NXPH1: variants seen among roughly 807,000 people sequenced by gnomAD.
NXPH1 encodes the protein neurexophilin-1.
A neutral mutation model predicts 23.7 loss-of-function variants in NXPH1; 5 were observed. The observed-to-expected ratio is 0.21, with a 90% CI of 0.11 to 0.44. The LOEUF is 0.44. Among genes scored for constraint, NXPH1 ranks in the 20% least tolerant of loss-of-function variants. The pLI is 0.99. For missense variants in NXPH1, 324 were observed against 321.6 expected (o/e 1.01, Z -0.06); for synonymous variants, 144 against 122.2 (o/e 1.18, Z -1.18).
chr7:8,676,021 T>G (rs975653113), intron 2 of NXPH1, among the ~76,000 whole-genome samples: 11 of 152,152 alleles, frequency 7.2e-5, no homozygotes, highest in Non-Finnish European at 1.2e-4. Context: ...GCTTTAGATT[T>G]GCAAGCAGAG....
intron 2 of NXPH1, among the ~76,000 whole-genome samples, chr7:8,522,570 A>C (rs1305785600): frequency 6.6e-6 from 1 of 152,172 alleles, no homozygotes; most frequent in Non-Finnish European, 1.5e-5. Context: ...TTTTTAAAGC[A>C]CAGGAGATGC....
At chr7:8,641,798 A>T (rs74621503) in intron 2 of NXPH1, among the ~76,000 whole-genome samples, 7,808 of 152,176 alleles carry the variant, frequency 0.051, 391 homozygotes, top group East Asian at 0.17. Flanking sequence ...TTTAGTTTTC[A>T]TTCTTATACA....
chr7:8,448,601 G>A lies in NXPH1; in HGVS notation c.54+12834G>A, dbSNP rs531759479. Among the ~76,000 whole-genome samples the A allele has an allele frequency of 7.2e-5, 11 of 152,264 alleles. No individual in the cohort carries two copies. In the South Asian group the frequency reaches 1.0e-3, roughly 14 times the overall value. Reference sequence around the variant, plus strand: ...GGAGGCCGAGGCGGGCGGATTGCTTGAGCTCAGGAGTTTGAGACCAGCCTG... The same window carrying A: ...GGAGGCCGAGGCGGGCGGATTGCTTAAGCTCAGGAGTTTGAGACCAGCCTG... On this transcript the variant is annotated intron_variant, in intron 2 of 2. Transcript: ENST00000405863.
chr7:8,637,336 C>T (rs1042274700), intron 2 of NXPH1, among the ~76,000 whole-genome samples: 2 of 151,996 alleles, frequency 1.3e-5, no homozygotes, highest in African/African-American at 4.8e-5. Context: ...GATTCTCCTA[C>T]ACCAGCTTCT....
intron 2 of NXPH1, among the ~76,000 whole-genome samples, chr7:8,654,457 T>G (rs1820541565): frequency 6.6e-6 from 1 of 152,198 alleles, no homozygotes; most frequent in South Asian, 2.1e-4. Context: ...CACATTCTAT[T>G]GAAGGAATAT....
intron 2 of NXPH1, among the ~76,000 whole-genome samples, chr7:8,733,281 A>G (rs754702352): frequency 6.6e-6 from 1 of 152,136 alleles, no homozygotes; most frequent in Admixed American, 6.6e-5. Flanking sequence ...TCTATCATTG[A>G]TGGGCATTTC....
At chr7:8,452,919 C>T (rs1004123598) in intron 2 of NXPH1, among the ~76,000 whole-genome samples, 4 of 152,096 alleles carry the variant, frequency 2.6e-5, no homozygotes, top group African/African-American at 9.7e-5. Context: ...CAGATTGCTA[C>T]TTCTGACAGC....
At chr7:8,456,532 T>C (rs540319482) in intron 2 of NXPH1, among the ~76,000 whole-genome samples, 98 of 152,272 alleles carry the variant, frequency 6.4e-4, no homozygotes, top group African/African-American at 1.9e-3. Context: ...AGAGGTCTTA[T>C]TGGAATGACA....
At chr7:8,571,702 T>G (rs368099035) in intron 2 of NXPH1, among the ~76,000 whole-genome samples, 8 of 151,898 alleles carry the variant, frequency 5.3e-5, no homozygotes, top group Admixed American at 3.9e-4. Context: ...GCTTGTAAAG[T>G]CAAAGATCTC....
chr7:8,494,246 T>C (rs926231957), intron 2 of NXPH1, among the ~76,000 whole-genome samples: 2 of 152,060 alleles, frequency 1.3e-5, no homozygotes, highest in South Asian at 4.1e-4. Context: ...ATTTCTTATG[T>C]AAATTTTTAT....
chr7:8,750,948 G>A (rs189702927), intron 2 of NXPH1, 60 bp from the exon 3 acceptor site: 197 of 1,496,740 alleles, frequency 1.3e-4, no homozygotes, highest in Admixed American at 4.2e-4. Flanking sequence ...TTAGATCTAT[G>A]CATTGGGTGT....
chr7:8,657,822 G>T (rs1439703685), intron 2 of NXPH1, among the ~76,000 whole-genome samples: 1 of 152,262 alleles, frequency 6.6e-6, no homozygotes. Context: ...GAGGTCAGGA[G>T]TTCAAGACCA....
intron 2 of NXPH1, among the ~76,000 whole-genome samples, chr7:8,730,263 C>T (rs1166983640): frequency 6.7e-6 from 1 of 149,894 alleles, no homozygotes; most frequent in East Asian, 2.0e-4. Context: ...TTCCTGAATA[C>T]AGCACACTGA....
chr7:8,723,545 G>T (rs544409579), intron 2 of NXPH1, among the ~76,000 whole-genome samples: 1 of 152,184 alleles, frequency 6.6e-6, no homozygotes, highest in Non-Finnish European at 1.5e-5. Context: ...AACATTTTTG[G>T]TTATAATGGC....
chr7:8,438,338 C>T (rs575620302), intron 2 of NXPH1, among the ~76,000 whole-genome samples: 18 of 152,330 alleles, frequency 1.2e-4, no homozygotes, highest in Admixed American at 1.0e-3. Context: ...AGAACCTGCA[C>T]TGGATGCATA....
At chr7:8,497,293 G>C (rs1027401133) in intron 2 of NXPH1, among the ~76,000 whole-genome samples, 1 of 152,102 alleles carries the variant, frequency 6.6e-6, no homozygotes, top group Non-Finnish European at 1.5e-5. Context: ...CCAAGTCTTT[G>C]TTATTGTGAA....
intron 2 of NXPH1, among the ~76,000 whole-genome samples, chr7:8,556,456 G>T (rs1818359930): frequency 6.6e-6 from 1 of 151,672 alleles, no homozygotes. Flanking sequence ...GCAAGTGTTG[G>T]CTGGGGGCTT....
At chr7:8,679,235 C>G (rs945755772) in intron 2 of NXPH1, among the ~76,000 whole-genome samples, 1 of 152,048 alleles carries the variant, frequency 6.6e-6, no homozygotes, top group Non-Finnish European at 1.5e-5. Context: ...GTGTGAGCCA[C>G]CGCGCCCAGC....
At chr7:8,554,402 G>A (rs1277553861) in intron 2 of NXPH1, among the ~76,000 whole-genome samples, 1 of 151,560 alleles carries the variant, frequency 6.6e-6, no homozygotes, top group Non-Finnish European at 1.5e-5. Flanking sequence ...TGAGCCGGTC[G>A]GTGCTCTTAG....
Sources: gnomAD v4.1 joint callset for allele counts (sites outside exome capture counted in the v4.1 genomes callset) on GRCh38, gnomAD v4.1.1 for gene constraint, MANE v1.5 for transcripts, NCBI Gene and HGNC (gene_info 2026-07-23, HGNC 2026-07-21) for gene names.